CPLX2: variants seen among roughly 807,000 people sequenced by gnomAD.
CPLX2 encodes the protein complexin 2.
CPLX2 carries 5 observed loss-of-function variants against 16.3 expected under a neutral mutation model. The ratio of observed to expected loss-of-function variants is 0.31; its 90% confidence interval spans 0.16 to 0.64. The LOEUF is 0.64. Among genes scored for constraint, CPLX2 ranks in the 30% least tolerant of loss-of-function variants. The pLI is 0.79. For synonymous variants in CPLX2, 89 were observed against 73.2 expected (o/e 1.22, Z -1.10); for missense variants, 144 against 181.4 (o/e 0.79, Z 1.18).
Position 175,879,094 on chromosome 5 carries a change from C to T in CPLX2, c.207+11C>T. 6.4e-7 allele frequency: 1 copy of T among 1,553,000 alleles called. No homozygotes were observed. The highest frequency in any genetic ancestry group is 8.7e-7 in the Non-Finnish European group (1 of 1,148,184). The stretch of plus-strand genomic sequence containing the variant: ...CAGATCCGAGATAAGGTCAGCTCCG[C>T]CCGCCCGCCCGTCCTGGGGAGGGCC... On this transcript the variant is annotated intron_variant, in intron 3 of 3. Coordinates refer to ENST00000393745, the MANE Select transcript of CPLX2 (RefSeq NM_001008220.2).
chr5:175,877,593 A>G (rs1755430232), intron 1 of CPLX2, among the ~76,000 whole-genome samples: 1 of 152,158 alleles, frequency 6.6e-6, no homozygotes, highest in Admixed American at 6.5e-5. Context: ...TCCCCTCTAC[A>G]CTTGAAAAGA....
chr5:175,859,445 G>A (rs1387871946), intron 2 of CPLX2, among the ~76,000 whole-genome samples: 2 of 152,234 alleles, frequency 1.3e-5, no homozygotes, highest in African/African-American at 4.8e-5. Context: ...TCCCAACTGA[G>A]GAGGACCCCA....
intron 3 of CPLX2, 84 bp from the exon 4 acceptor site, chr5:175,879,764 C>A: frequency 7.5e-7 from 1 of 1,336,924 alleles, no homozygotes. Context: ...CTGGCCACCT[C>A]AGCCAGTGCT....
chr5:175,872,479 C>T lies in CPLX2; in HGVS notation c.-89+774C>T, dbSNP rs1759651607. On this transcript the variant is annotated intron_variant, in intron 1 of 3. Coordinates refer to ENST00000393745, the MANE Select transcript of CPLX2 (RefSeq NM_001008220.2). The surrounding 1 kb of genome is among the most constrained non-coding windows in gnomAD (Gnocchi z 5.0). ...GTGTGTTGGGGGAAGGGGCGCTCTC[C>T]GTGGCCCACCGGGAGATCCAGGACA... Among the ~76,000 whole-genome samples, 1 of 152,162 alleles carries T rather than the reference C, an allele frequency of 6.6e-6. No homozygotes were observed. Among genetic ancestry groups the T allele is most frequent in the Non-Finnish European group, 1.5e-5 (1 of 68,006 alleles).
intron 2 of CPLX2, among the ~76,000 whole-genome samples, chr5:175,836,072 C>T (rs1758827660): frequency 6.6e-6 from 1 of 152,102 alleles, no homozygotes; most frequent in Non-Finnish European, 1.5e-5. Flanking sequence ...CTGACTAGGC[C>T]AGGCGCGGTG....
At chr5:175,825,937 CAAA>C (rs35250246) in intron 2 of CPLX2, among the ~76,000 whole-genome samples, 4 of 44,416 alleles carry the variant, frequency 9.0e-5, no homozygotes, top group African/African-American at 3.9e-4. Context: ...TGAATAAGTG[CAAA>C]AAAAAAAAAA....
At chr5:175,823,884 C>A (rs142156601) in intron 2 of CPLX2, among the ~76,000 whole-genome samples, 1 of 152,288 alleles carries the variant, frequency 6.6e-6, no homozygotes, top group African/African-American at 2.4e-5. Flanking sequence ...GACAGAGAGA[C>A]AGATTATGTA....
intron 2 of CPLX2, among the ~76,000 whole-genome samples, chr5:175,852,341 C>T (rs1024665165): frequency 5.0e-4 from 76 of 152,170 alleles, no homozygotes; most frequent in African/African-American, 1.7e-3. Flanking sequence ...GAGAGTTGAC[C>T]TGCCTCTGGA....
intron 2 of CPLX2, among the ~76,000 whole-genome samples, chr5:175,822,214 C>G (rs569432008): frequency 8.9e-4 from 136 of 152,304 alleles, no homozygotes; most frequent in South Asian, 2.9e-3. Flanking sequence ...CCTTCACAGA[C>G]CATAAGACGT....
chr5:175,851,145 C>T (rs1351058340), intron 2 of CPLX2, among the ~76,000 whole-genome samples: 1 of 152,002 alleles, frequency 6.6e-6, no homozygotes, highest in Admixed American at 6.6e-5. Context: ...GTGGCTGTAC[C>T]ACACTAGAGA....
In CPLX2 at chr5:175,880,403, C is replaced by T. The variant is rs900248033; in HGVS notation, c.*358C>T. The T allele has an allele frequency of 2.7e-5, 10 of 371,352 alleles. No individual in the cohort carries two copies. Among genetic ancestry groups the T allele is most frequent in the African/African-American group, 8.4e-5 (4 of 47,370 alleles). 23.0% of individuals were successfully genotyped at this position (371,352 alleles called of 1,614,324 possible). A position where few individuals can be genotyped will look rare whatever the true frequency, so the allele number is the denominator to read the frequency against. ...TCCCCAGCCAGCCAAAGTAATGACACATTCCAGCCCTGCCCAGCATGCTGA... is the reference window on the plus strand; with the variant it reads ...TCCCCAGCCAGCCAAAGTAATGACATATTCCAGCCCTGCCCAGCATGCTGA... On this transcript the variant is annotated 3_prime_UTR_variant, in exon 4 of 4. Coordinates refer to ENST00000393745, the MANE Select transcript of CPLX2 (RefSeq NM_001008220.2).
At chr5:175,797,651 G>A (rs966714593) in intron 1 of CPLX2, among the ~76,000 whole-genome samples, 5 of 152,106 alleles carry the variant, frequency 3.3e-5, no homozygotes, top group African/African-American at 1.2e-4. Flanking sequence ...AGGGGGCTGA[G>A]AAGCCGCGGG....
At chr5:175,806,664 ATT>A (rs5873514) in intron 1 of CPLX2, among the ~76,000 whole-genome samples, 1 of 143,036 alleles carries the variant, frequency 7.0e-6, no homozygotes, top group African/African-American at 2.6e-5. Context: ...TTAATTTTGT[ATT>A]TTTTTTTTTT....
In CPLX2 at chr5:175,879,974, G is replaced by C; in HGVS notation, c.334G>C (p.Glu112Gln). 1 of 1,614,074 alleles carries C rather than the reference G, an allele frequency of 6.2e-7. No homozygotes were observed. The highest frequency in any genetic ancestry group is 8.5e-7 in the Non-Finnish European group (1 of 1,180,000). Residue 112 changes from glutamate to glutamine, a missense_variant, in exon 4 of 4, where the codon GAA becomes CAA. Glu to Gln is a conservative substitution (Grantham distance 29, BLOSUM62 2). Transcript: ENST00000393745. ...PAGCGDEEEEEEESILDTVLK... is the reference protein window; with the variant it reads ...PAGCGDEEEEQEESILDTVLK... ...GGGCTGCGGGGACGAGGAGGAGGAG[G>C]AAGAGGAGAGCATCCTGGACACGGT...
At chr5:175,823,748 T>TTCCTTCCTTCATTTTA (rs1236930753) in intron 2 of CPLX2, among the ~76,000 whole-genome samples, 10 of 152,116 alleles carry the variant, frequency 6.6e-5, no homozygotes, top group African/African-American at 2.4e-4. Flanking sequence ...AGAGCTTGCT[T>TTCCTTCCTTCATTTTA]TCCTTCCTTC....
chr5:175,801,686 TA>T (rs1758099206), intron 1 of CPLX2, among the ~76,000 whole-genome samples: 1 of 152,196 alleles, frequency 6.6e-6, no homozygotes, highest in South Asian at 2.1e-4. Context: ...TTAAACAAGT[TA>T]AAATATGTGC....
In CPLX2 at chr5:175,849,990, C is replaced by A. The variant is rs1217911898; in HGVS notation, c.-88-28662C>A. Among the ~76,000 whole-genome samples, 1 of 152,210 alleles carries A rather than the reference C, an allele frequency of 6.6e-6. No homozygotes were observed. The highest frequency in any genetic ancestry group is 1.9e-4 in the East Asian group (1 of 5,188). On this transcript the variant is annotated intron_variant, in intron 2 of 4. Transcript: ENST00000359546. The surrounding 1 kb of genome is among the most constrained non-coding windows in gnomAD (Gnocchi z 4.4). The stretch of plus-strand genomic sequence containing the variant: ...CACTGAATCAGGGGCTCCCTGTGCT[C>A]CAAAGGAGCCACATACACAGAAGTC...
intron 2 of CPLX2, among the ~76,000 whole-genome samples, chr5:175,831,362 G>GA (rs1305884838): frequency 6.6e-6 from 1 of 152,168 alleles, no homozygotes; most frequent in Non-Finnish European, 1.5e-5. Context: ...GCCGCAGAGA[G>GA]AACTGGAACC....
At chr5:175,816,702 C>T (rs1001703581) in intron 2 of CPLX2, among the ~76,000 whole-genome samples, 16 of 152,130 alleles carry the variant, frequency 1.1e-4, no homozygotes, top group Non-Finnish European at 2.1e-4. Flanking sequence ...CAGAGGTGCT[C>T]GAGACACAGA....
Sources: allele counts gnomAD v4.1 joint callset (sites outside exome capture counted in the v4.1 genomes callset), GRCh38; gene constraint gnomAD v4.1.1; non-coding constraint Gnocchi (gnomAD v3.1); transcripts MANE v1.5; gene names NCBI Gene and HGNC (gene_info 2026-07-23, HGNC 2026-07-21).